Variants in DENND2A observed in about 807,000 individuals in gnomAD.
The protein encoded by DENND2A is DENN domain-containing protein 2A.
Under a neutral mutation model 105.3 loss-of-function variants are expected in DENND2A, and 53 were observed. The observed-to-expected ratio is 0.50, with a 90% CI of 0.40 to 0.63. The LOEUF is 0.63. Ranked by LOEUF, DENND2A falls within the 30% of genes least tolerant of loss-of-function variation. The pLI is 0.00. For synonymous variants in DENND2A, 522 were observed against 508.4 expected, an observed-to-expected ratio of 1.03 and a Z score of -0.36; for missense variants, 1,138 against 1,279.6, an observed-to-expected ratio of 0.89 and a Z score of 1.69.
In DENND2A at chr7:140,533,359, TCTCCTTGCTGTACAGCCCCTTGGGG is replaced by T. The variant is rs990972485; in HGVS notation, c.2328-5889_2328-5865del. 5.9e-5 allele frequency among the ~76,000 whole-genome samples: 9 copies of T among 152,230 alleles called. No individual in the cohort carries two copies. The East Asian group carries it at 1.5e-3, about 26-fold the overall frequency. On this transcript the variant is annotated intron_variant, in intron 14 of 19. Transcript: ENST00000496613. ...GAGGAAGTACAAGGGGCTGCTCCCT[TCTCCTTGCTGTACAGCCCCTTGGGG>T]CTCCTTGCTGTACAGCCCTTTGTGA...
intron 1 of DENND2A, among the ~76,000 whole-genome samples, chr7:140,611,055 T>C (rs961363340): frequency 6.6e-5 from 10 of 152,062 alleles, no homozygotes; most frequent in Non-Finnish European, 1.3e-4. Flanking sequence ...ATTATTATTA[T>C]TATTTTTTGA....
rs550598136 is a variant in DENND2A, at chr7:140,573,846, C to A, written c.1408G>T (p.Asp470Tyr). The A allele has an allele frequency of 2.0e-5, 32 of 1,614,026 alleles. No homozygotes were observed. The South Asian group carries it at 3.4e-4, about 17-fold the overall frequency. The change falls in exon 6 of 20, where the codon GAC (aspartate) becomes TAC (tyrosine). Residue 470 changes from aspartate (D) to tyrosine (Y), a missense_variant. Asp to Tyr is a radical substitution (Grantham distance 160). Coordinates refer to ENST00000496613, the MANE Select transcript of DENND2A (RefSeq NM_015689.5). ...SPDDIFFNLG[D>Y]PQNGRKKRKI... Reference sequence around the variant, plus strand: ...CTCTTCTTCCTGCCGTTCTGTGGGTCTCCAAGGTTAAAGAAAATGTCATCA... The same window carrying A: ...CTCTTCTTCCTGCCGTTCTGTGGGTATCCAAGGTTAAAGAAAATGTCATCA...
intron 12 of DENND2A, among the ~76,000 whole-genome samples, chr7:140,551,846 G>C (rs1280102277): frequency 6.6e-6 from 1 of 152,146 alleles, no homozygotes; most frequent in African/African-American, 2.4e-5. Flanking sequence ...TAAAGCTCTG[G>C]TTCTGGTTCT....
chr7:140,538,943 C>A (rs763568413), intron 14 of DENND2A, among the ~76,000 whole-genome samples: 6 of 152,180 alleles, frequency 3.9e-5, no homozygotes, highest in Non-Finnish European at 7.4e-5. Flanking sequence ...CCTGCCTCAG[C>A]CTCCTGAGTA....
At chr7:140,626,407 A>G (rs142489522) in intron 1 of DENND2A, among the ~76,000 whole-genome samples, 1 of 152,262 alleles carries the variant, frequency 6.6e-6, no homozygotes, top group East Asian at 1.9e-4. Context: ...AGTAATCCTG[A>G]GAATGGGAGG....
At chr7:140,556,622 G>C (rs1411492556) in intron 11 of DENND2A, among the ~76,000 whole-genome samples, 1 of 152,240 alleles carries the variant, frequency 6.6e-6, no homozygotes, top group Non-Finnish European at 1.5e-5. Flanking sequence ...TTACTGGTGT[G>C]AGCCTGTGCC....
intron 14 of DENND2A, among the ~76,000 whole-genome samples, chr7:140,533,952 C>G (rs772115890): frequency 6.6e-6 from 1 of 152,030 alleles, no homozygotes; most frequent in African/African-American, 2.4e-5. Context: ...CTCACTCTGT[C>G]GCCCAGACTG....
chr7:140,544,956 A>G (rs1436441463), intron 13 of DENND2A, 190 bp from the exon 14 acceptor site: 1 of 838,254 alleles, frequency 1.2e-6, no homozygotes, highest in African/African-American at 1.8e-5. Context: ...GGGGCGGAGG[A>G]GGTAGCTTTG....
intron 2 of DENND2A, among the ~76,000 whole-genome samples, chr7:140,604,853 G>T (rs1799635703): frequency 6.6e-6 from 1 of 152,192 alleles, no homozygotes; most frequent in African/African-American, 2.4e-5. Flanking sequence ...ATAGCAGCTA[G>T]TCAACAAATA....
Position 140,601,719 on chromosome 7 carries a change from G to C in DENND2A, c.679C>G (p.Pro227Ala), listed in dbSNP as rs1358391518. 1.9e-6 allele frequency: 3 copies of C among 1,614,078 alleles called. No homozygotes were observed. Among genetic ancestry groups the C allele is most frequent in the South Asian group, 2.2e-5 (2 of 91,064 alleles). The change falls in exon 3 of 20, where the codon CCC becomes GCC. Residue 227 changes from proline to alanine, a missense_variant. By Grantham distance (27) the Pro-to-Ala change is conservative. Coordinates refer to ENST00000496613, the MANE Select transcript of DENND2A (RefSeq NM_015689.5). ...CTGTCCTCCACAAGCTCAGGGGTGGGCTCCCTGCCTTCCAGGTCCGAGGGG... is the reference window on the plus strand; with the variant it reads ...CTGTCCTCCACAAGCTCAGGGGTGGCCTCCCTGCCTTCCAGGTCCGAGGGG... Reference protein sequence around the residue: ...VHPSDLEGREPTPELVEDRKG... With the variant: ...VHPSDLEGREATPELVEDRKG...
chr7:140,602,347 G>A lies in DENND2A; in HGVS notation c.51C>T (p.Ala17=), dbSNP rs763209990. 13 of 1,594,500 alleles carry A rather than the reference G, an allele frequency of 8.2e-6. No individual in the cohort carries two copies. The Admixed American group carries it at 1.8e-4, about 23-fold the overall frequency. The part of the protein sequence containing the change: ...DMIISDPAAE[A]SRAGKKQLRG... ...TGAGCTGCTTCTTCCCAGCCCTGCT[G>A]GCTTCTGCAGCTGGGTCACTGATGA... The change falls in exon 3 of 20, where the codon GCC becomes GCT. Residue 17 remains alanine (A), a synonymous_variant. Transcript: ENST00000496613.
intron 5 of DENND2A, among the ~76,000 whole-genome samples, chr7:140,584,759 A>G (rs1798707162): frequency 6.6e-6 from 1 of 152,016 alleles, no homozygotes; most frequent in Non-Finnish European, 1.5e-5. Flanking sequence ...CACCTCCAAC[A>G]TTGGGGATGG....
Position 140,632,272 on chromosome 7 carries a change from T to C in DENND2A, c.-248+8232A>G, listed in dbSNP as rs183320470. On this transcript the variant is annotated intron_variant, in intron 1 of 19. Coordinates refer to ENST00000496613, the MANE Select transcript of DENND2A (RefSeq NM_015689.5). ...TGAAAGTAGAATCTGACTCCTCTGA[T>C]TCATTGAATGGGAGCAAGAAGGAAG... Among the ~76,000 whole-genome samples the C allele has an allele frequency of 2.4e-3, 361 of 152,270 alleles. 8 individuals are homozygous for C. Among genetic ancestry groups the C allele is most frequent in the Admixed American group, 0.02 (298 of 15,268 alleles).
chr7:140,626,391 C>T (rs1800532131), intron 1 of DENND2A, among the ~76,000 whole-genome samples: 1 of 152,128 alleles, frequency 6.6e-6, no homozygotes, highest in South Asian at 2.1e-4. Context: ...TCTGACCTCA[C>T]TGGATAGTAA....
At chr7:140,550,614 TC>T (rs1382759205) in intron 12 of DENND2A, among the ~76,000 whole-genome samples, 1 of 152,010 alleles carries the variant, frequency 6.6e-6, no homozygotes, top group Non-Finnish European at 1.5e-5. Context: ...AGCCACTTCA[TC>T]CAGCTTTAGC....
At chr7:140,635,000 T>G (rs1800867743) in intron 1 of DENND2A, among the ~76,000 whole-genome samples, 7 of 151,784 alleles carry the variant, frequency 4.6e-5, no homozygotes, top group Admixed American at 4.6e-4. Flanking sequence ...CAGTGGCTCA[T>G]GCCTGTAGTC....
At chr7:140,622,912 G>A (rs1800350119) in intron 1 of DENND2A, among the ~76,000 whole-genome samples, 1 of 152,108 alleles carries the variant, frequency 6.6e-6, no homozygotes, top group African/African-American at 2.4e-5. Flanking sequence ...CCATATGGCT[G>A]GAGCTGAGTA....
At chr7:140,558,619 C>G (rs1457858888) in intron 10 of DENND2A, among the ~76,000 whole-genome samples, 1 of 150,924 alleles carries the variant, frequency 6.6e-6, no homozygotes, top group Non-Finnish European at 1.5e-5. Flanking sequence ...CTGCTTGAAC[C>G]TAGGAGGCAG....
chr7:140,576,906 G>A (rs1422696368), intron 5 of DENND2A, among the ~76,000 whole-genome samples: 3 of 152,218 alleles, frequency 2.0e-5, no homozygotes, highest in Admixed American at 6.5e-5. Context: ...TTGGGAAAAC[G>A]TAGGTTCTGC....
Sources: allele counts gnomAD v4.1 joint callset (sites outside exome capture counted in the v4.1 genomes callset), GRCh38; gene constraint gnomAD v4.1.1; transcripts MANE v1.5; gene names NCBI Gene and HGNC (gene_info 2026-07-23, HGNC 2026-07-21).